WDR37: variants seen among roughly 807,000 people sequenced by gnomAD.
WDR37 encodes WD repeat domain 37, also known as WD repeat-containing protein 37.
A neutral mutation model predicts 62.9 loss-of-function variants in WDR37; 19 were observed. That is an observed-to-expected ratio of 0.30 (90% CI 0.21 to 0.44). The LOEUF (loss-of-function observed/expected upper bound fraction) is 0.44. WDR37 is among the 20% of genes least tolerant of loss of function. WDR37 has a pLI of 1.00. For missense variants in WDR37, 474 were observed against 657.6 expected (o/e 0.72, Z 3.05); for synonymous variants, 250 against 260.9 (o/e 0.96, Z 0.40).
intron 11 of WDR37, among the ~76,000 whole-genome samples, chr10:1,122,910 G>A (rs538000381): frequency 4.6e-5 from 7 of 152,304 alleles, no homozygotes; most frequent in African/African-American, 1.4e-4. Flanking sequence ...TGTTTAATCC[G>A]ATTTTACCAC....
intron 1 of WDR37, among the ~76,000 whole-genome samples, chr10:1,063,880 T>C (rs1203745498): frequency 6.6e-6 from 1 of 152,106 alleles, no homozygotes; most frequent in Non-Finnish European, 1.5e-5. Flanking sequence ...AGAGGCCTGC[T>C]CTAACAGAAG....
chr10:1,087,041 G>A (rs930393033), intron 7 of WDR37, among the ~76,000 whole-genome samples: 2 of 152,230 alleles, frequency 1.3e-5, no homozygotes, highest in Admixed American at 6.5e-5. Flanking sequence ...GGTGGGGCCC[G>A]TGGCTCTGAG....
rs1233104506 is a variant in WDR37 at position 1,056,522 on chromosome 10, G to A, written c.-487G>A. The A allele has an allele frequency of 6.6e-6, 1 of 152,150 alleles. No homozygotes were observed. The highest frequency in any genetic ancestry group is 1.5e-5 in the Non-Finnish European group (1 of 68,064). The allele number at this position is 152,150 out of a possible 1,614,324, so 9.4% of individuals were successfully genotyped here. On this transcript the variant is annotated 5_prime_UTR_variant, in exon 1 of 14. Coordinates refer to ENST00000263150, the MANE Select transcript of WDR37 (RefSeq NM_014023.4). ...CCCGGGCTCGCAGCCCTCCCGCCCCGGCTGCCGGGCTACGGGGCAGATGGA... is the reference window on the plus strand; with the variant it reads ...CCCGGGCTCGCAGCCCTCCCGCCCCAGCTGCCGGGCTACGGGGCAGATGGA...
Position 1,124,249 on chromosome 10 carries a change from G to A in WDR37, c.1135G>A (p.Asp379Asn). 6.2e-7 allele frequency: 1 copy of A among 1,614,200 alleles called. No homozygotes were observed. The highest frequency in any genetic ancestry group is 8.5e-7 in the Non-Finnish European group (1 of 1,180,034). ...GACTTCTGCCGTGTTCACCGTGGGAGACAACGTGGTTTCAGGCAGCGATGA... is the reference window on the plus strand; with the variant it reads ...GACTTCTGCCGTGTTCACCGTGGGAAACAACGTGGTTTCAGGCAGCGATGA... ...TVTSAVFTVG[D>N]NVVSGSDDRT... is the part of the protein sequence containing the mutation. Residue 379 changes from aspartate to asparagine, a missense_variant, in exon 12 of 14, where the codon GAC (aspartate) becomes AAC (asparagine). Asp to Asn is a conservative substitution (Grantham distance 23). Transcript: ENST00000263150.
At chr10:1,096,934 G>A (rs1834602898) in intron 9 of WDR37, among the ~76,000 whole-genome samples, 1 of 152,202 alleles carries the variant, frequency 6.6e-6, no homozygotes, top group Admixed American at 6.5e-5. Context: ...TAGACAGAAT[G>A]TTGTGGAAAA....
At chr10:1,107,123 A>G (rs1352078269) in intron 11 of WDR37, among the ~76,000 whole-genome samples, 2 of 152,248 alleles carry the variant, frequency 1.3e-5, no homozygotes, top group South Asian at 2.1e-4. Flanking sequence ...GAGCTCCGCC[A>G]CATGGGCCTG....
intron 1 of WDR37, among the ~76,000 whole-genome samples, chr10:1,067,050 G>A (rs1833576744): frequency 1.3e-5 from 2 of 152,154 alleles, no homozygotes; most frequent in South Asian, 2.1e-4. Flanking sequence ...ATTTAGCTGG[G>A]GACATAGCCA....
intron 2 of WDR37, among the ~76,000 whole-genome samples, chr10:1,076,236 C>CGT (rs1023070034): frequency 4.6e-5 from 7 of 151,038 alleles, no homozygotes; most frequent in Non-Finnish European, 5.9e-5. Flanking sequence ...TGTGGGTGTG[C>CGT]GTGTGTGTGT....
rs532240357 is a variant in WDR37, at chr10:1,131,795, T to C, written c.*2451T>C. 3.9e-5 allele frequency: 6 copies of C among 152,416 alleles called. No homozygotes were observed. The highest frequency in any genetic ancestry group is 1.4e-4 in the African/African-American group (6 of 41,562). 9.4% of individuals were successfully genotyped at this position (152,416 alleles called of 1,614,324 possible). A position where few individuals can be genotyped will look rare whatever the true frequency, so the allele number is the denominator to read the frequency against. ...CAGTGTTTGGAAGTGGGAACAGTTT[T>C]GTCCTGTATGCTGATGTGTCCAGAA... On this transcript the variant is annotated 3_prime_UTR_variant, in exon 14 of 14. Transcript: ENST00000263150.
chr10:1,081,648 A>AT (rs368996690), intron 5 of WDR37, among the ~76,000 whole-genome samples: 32 of 149,372 alleles, frequency 2.1e-4, no homozygotes, highest in Middle Eastern at 3.5e-3. Context: ...AATTTATTTG[A>AT]TTTTTTTTTT....
intron 9 of WDR37, among the ~76,000 whole-genome samples, chr10:1,100,965 T>A (rs1411681529): frequency 6.6e-6 from 1 of 152,212 alleles, no homozygotes; most frequent in Admixed American, 6.5e-5. Context: ...TGGGTGTTCC[T>A]TTCCTTGTGC....
At chr10:1,085,761 G>T (rs1010440435) in intron 6 of WDR37, among the ~76,000 whole-genome samples, 5 of 152,146 alleles carry the variant, frequency 3.3e-5, no homozygotes, top group Admixed American at 3.3e-4. Context: ...AGAATAAAAA[G>T]GTCCTTTCTG....
intron 10 of WDR37, among the ~76,000 whole-genome samples, chr10:1,104,526 T>G (rs1242982284): frequency 6.6e-6 from 1 of 152,234 alleles, no homozygotes; most frequent in African/African-American, 2.4e-5. Context: ...TTCCCTTTGA[T>G]GAAGTCAAAG....
intron 9 of WDR37, among the ~76,000 whole-genome samples, chr10:1,101,968 T>A (rs780153715): frequency 9.9e-5 from 15 of 152,210 alleles, no homozygotes; most frequent in Non-Finnish European, 1.9e-4. Flanking sequence ...TCTGCATCCA[T>A]GTGATATGTG....
chr10:1,073,245 T>C (rs1833777674), intron 2 of WDR37, among the ~76,000 whole-genome samples: 1 of 152,202 alleles, frequency 6.6e-6, no homozygotes, highest in African/African-American at 2.4e-5. Context: ...CTTACAACCA[T>C]TCCTTCACAA....
intron 9 of WDR37, among the ~76,000 whole-genome samples, chr10:1,102,765 A>G (rs1422214962): frequency 1.3e-5 from 2 of 152,126 alleles, no homozygotes; most frequent in African/African-American, 2.4e-5. Context: ...AAATTTCCAA[A>G]TTATCAGTTC....
chr10:1,079,067 G>C (rs1833953350), intron 3 of WDR37, among the ~76,000 whole-genome samples: 1 of 148,348 alleles, frequency 6.7e-6, no homozygotes, highest in African/African-American at 2.5e-5. Context: ...AATTCATAGA[G>C]GGAAAAATCA....
At chr10:1,076,905 CAGG>C (rs1364307010) in intron 2 of WDR37, among the ~76,000 whole-genome samples, 4 of 147,752 alleles carry the variant, frequency 2.7e-5, no homozygotes, top group African/African-American at 1.0e-4. Context: ...GAGGCTGTGG[CAGG>C]AGAATTGCTT....
At chr10:1,125,337 C>T (rs1835706184) in intron 13 of WDR37, among the ~76,000 whole-genome samples, 1 of 152,086 alleles carries the variant, frequency 6.6e-6, no homozygotes, top group Non-Finnish European at 1.5e-5. Flanking sequence ...TCAGCCTCAG[C>T]CTCAATCTCC....
Sources: allele counts gnomAD v4.1 joint callset (sites outside exome capture counted in the v4.1 genomes callset), GRCh38; gene constraint gnomAD v4.1.1; transcripts MANE v1.5; gene names NCBI Gene and HGNC (gene_info 2026-07-23, HGNC 2026-07-21).